The following CPAMD8 variants were observed in gnomAD, a reference collection of about 807,000 sequenced individuals.
CPAMD8 encodes C3 and PZP-like alpha-2-macroglobulin domain-containing protein 8.
A neutral mutation model predicts 224.7 loss-of-function variants in CPAMD8; 146 were observed. The observed-to-expected ratio is 0.65, with a 90% CI of 0.57 to 0.75. The LOEUF (loss-of-function observed/expected upper bound fraction) is 0.75, where lower values mean the gene tolerates loss of function less well. Ranked by LOEUF, CPAMD8 falls within the 30% of genes least tolerant of loss-of-function variation. The pLI is 0.00. For synonymous variants in CPAMD8, 966 were observed against 1,044.6 expected, an observed-to-expected ratio of 0.92 and a Z score of 1.45; for missense variants, 2,301 against 2,537.5, an observed-to-expected ratio of 0.91 and a Z score of 2.00.
chr19:16,895,000 C>T (rs1168173342), intron 41 of CPAMD8: 2 of 159,688 alleles, frequency 1.3e-5, no homozygotes, highest in African/African-American at 4.9e-5. Flanking sequence ...GTGGTCCCAG[C>T]TACTCAGGAG....
intron 23 of CPAMD8, among the ~76,000 whole-genome samples, chr19:16,930,757 G>A (rs1016807311): frequency 6.6e-6 from 1 of 152,060 alleles, no homozygotes; most frequent in South Asian, 2.1e-4. Context: ...GCTAAGGCTG[G>A]GTCTCACACA....
chr19:16,952,299 AG>A, intron 19 of CPAMD8, 99 bp from the exon 20 acceptor site: 1 of 697,236 alleles, frequency 1.4e-6, no homozygotes, highest in Non-Finnish European at 2.5e-6. Context: ...TGGCTCAGAG[AG>A]GCACCCTAGG....
At chr19:16,923,195 A>G (rs2053239959) in intron 26 of CPAMD8, among the ~76,000 whole-genome samples, 1 of 152,198 alleles carries the variant, frequency 6.6e-6, no homozygotes, top group Non-Finnish European at 1.5e-5. Context: ...GTTTTCCTGC[A>G]AGGGCATAGG....
intron 19 of CPAMD8, among the ~76,000 whole-genome samples, chr19:16,957,135 C>T (rs1215038988): frequency 6.6e-6 from 1 of 152,212 alleles, no homozygotes. Flanking sequence ...AACCTTCCCA[C>T]GATGAGGACA....
chr19:16,949,398 T>C (rs1432487869), intron 20 of CPAMD8, among the ~76,000 whole-genome samples: 2 of 152,150 alleles, frequency 1.3e-5, no homozygotes, highest in African/African-American at 4.8e-5. Flanking sequence ...GTATGCTTTC[T>C]TTTGGAAACC....
rs181164402 is a variant in CPAMD8 at position 17,011,955 on chromosome 19, G to A, written c.268-198C>T. On this transcript the variant is annotated intron_variant, in intron 3 of 41. Transcript: ENST00000443236. Reference sequence around the variant, plus strand: ...TGGGGATTGCTACTGTCACTTGAGAGGGGAATAGAGAGGCTGCTCAACATC... The same window carrying A: ...TGGGGATTGCTACTGTCACTTGAGAAGGGAATAGAGAGGCTGCTCAACATC... Among the ~76,000 whole-genome samples, 235 of 152,308 alleles carry A rather than the reference G, an allele frequency of 1.5e-3. 2 individuals are homozygous for A. The highest frequency in any genetic ancestry group is 2.9e-3 in the Non-Finnish European group (195 of 68,020).
Position 16,897,692 on chromosome 19 carries a change from C to A in CPAMD8, c.5064G>T (p.Pro1688=), listed in dbSNP as rs1305553067. 1.3e-6 allele frequency: 2 copies of A among 1,515,840 alleles called. No homozygotes were observed. Among genetic ancestry groups the A allele is most frequent in the Admixed American group, 4.1e-5 (2 of 49,290 alleles). The allele number at this position is 1,515,840 out of a possible 1,614,324, so 93.9% of individuals were successfully genotyped here. The change falls in exon 39 of 42, where the codon CCG becomes CCT. Residue 1688 remains proline, a splice_region_variant and synonymous_variant. Coordinates refer to ENST00000443236, the MANE Select transcript of CPAMD8 (RefSeq NM_015692.5). ...GCGGCAGTGGCTCCGCGCACTCACC[C>A]GGGCCCCGGGCAGGGGCGCGCTCCA... ...NEVERAPARG[P]GWFPGESGPA...
intron 5 of CPAMD8, among the ~76,000 whole-genome samples, chr19:17,010,024 G>A (rs1411577153): frequency 6.6e-6 from 1 of 152,140 alleles, no homozygotes; most frequent in East Asian, 1.9e-4. Flanking sequence ...AAATGTCAAT[G>A]TCATGGAAGA....
At chr19:17,025,989 G>C (rs374412790) in intron 1 of CPAMD8, among the ~76,000 whole-genome samples, 3 of 152,206 alleles carry the variant, frequency 2.0e-5, no homozygotes, top group East Asian at 3.9e-4. Flanking sequence ...CAGCCCCCCT[G>C]AACCCGCAGC....
chr19:16,981,890 G>T (rs964159812), intron 13 of CPAMD8, among the ~76,000 whole-genome samples: 1 of 152,200 alleles, frequency 6.6e-6, no homozygotes, highest in African/African-American at 2.4e-5. Context: ...TGGACAGAGG[G>T]TCCTGAGGCT....
At position 16,945,627 on chromosome 19, in the gene CPAMD8, G is replaced by A. The variant is rs754108740; in HGVS notation, c.2715C>T (p.Ser905=). 2.0e-5 allele frequency: 32 copies of A among 1,614,080 alleles called. No individual in the cohort carries two copies. Among genetic ancestry groups the A allele is most frequent in the Non-Finnish European group, 1.7e-5 (20 of 1,180,006 alleles). The change falls in exon 22 of 42, where the codon AGC becomes AGT. Residue 905 remains serine (S), a synonymous_variant. Transcript: ENST00000443236. The part of the protein sequence containing the change: ...DTNCCRDGRS[S]KHPEENHADR... ...CGGCGTGATTCTCCTCAGGGTGTTT[G>A]CTGGACCTCCCATCCCGGCAGCAAT... is the stretch of plus-strand genomic sequence containing the variant.
In CPAMD8 at chr19:16,999,000, A is replaced by G. The variant is rs141378921; in HGVS notation, c.867+1414T>C. Among the ~76,000 whole-genome samples, 34 of 152,344 alleles carry G rather than the reference A, an allele frequency of 2.2e-4. No homozygotes were observed. In the East Asian group the frequency reaches 6.0e-3, roughly 27 times the overall value. ...TACCAGGGAATATGATGCAGCCATA[A>G]AAAAGGAATGAAGCATTGATCATGC... On this transcript the variant is annotated intron_variant, in intron 10 of 41. Coordinates refer to ENST00000443236, the MANE Select transcript of CPAMD8 (RefSeq NM_015692.5).
intron 41 of CPAMD8, 65 bp from the exon 42 acceptor site, chr19:16,893,404 G>A: frequency 8.6e-7 from 1 of 1,161,030 alleles, no homozygotes; most frequent in South Asian, 1.5e-5. Context: ...TCGGGCTGAG[G>A]AAGGAGCCAC....
At chr19:16,986,828 C>T (rs1340304546) in intron 13 of CPAMD8, among the ~76,000 whole-genome samples, 3 of 151,964 alleles carry the variant, frequency 2.0e-5, no homozygotes, top group African/African-American at 7.2e-5. Flanking sequence ...GCCACCAGTC[C>T]ACAAAGTTAA....
intron 5 of CPAMD8, among the ~76,000 whole-genome samples, chr19:17,011,059 TGGTG>T (rs1459427048): frequency 6.6e-6 from 1 of 150,622 alleles, no homozygotes; most frequent in Non-Finnish European, 1.5e-5. Flanking sequence ...CCGGGCGTGG[TGGTG>T]GGCACCTATA....
intron 18 of CPAMD8, among the ~76,000 whole-genome samples, chr19:16,964,524 G>A (rs2054761304): frequency 6.6e-6 from 1 of 152,080 alleles, no homozygotes; most frequent in Admixed American, 6.6e-5. Context: ...CCAATAACAG[G>A]CTCTGAAATC....
chr19:17,002,794 C>G (rs2056370069), intron 8 of CPAMD8, among the ~76,000 whole-genome samples: 1 of 152,146 alleles, frequency 6.6e-6, no homozygotes, highest in South Asian at 2.1e-4. Context: ...ATCTTGTCAC[C>G]AGGGGCGGAG....
At chr19:16,929,290 C>T in intron 23 of CPAMD8, 50 bp from the exon 24 acceptor site, 2 of 1,478,574 alleles carry the variant, frequency 1.4e-6, no homozygotes, top group Non-Finnish European at 1.8e-6. Flanking sequence ...TGGAGGCATC[C>T]CACTTTCCCT....
At chr19:16,946,478 T>A (rs2054094332) in intron 21 of CPAMD8, among the ~76,000 whole-genome samples, 1 of 147,360 alleles carries the variant, frequency 6.8e-6, no homozygotes, top group African/African-American at 2.5e-5. Flanking sequence ...GATCTGTGTG[T>A]ATGCATGTCT....
Sources: allele counts gnomAD v4.1 joint callset (sites outside exome capture counted in the v4.1 genomes callset), GRCh38; gene constraint gnomAD v4.1.1; transcripts MANE v1.5; gene names NCBI Gene and HGNC (gene_info 2026-07-23, HGNC 2026-07-21).